PNPT1: variants seen among roughly 807,000 people sequenced by gnomAD.
PNPT1 encodes polyribonucleotide nucleotidyltransferase 1, also known as polyribonucleotide nucleotidyltransferase 1, mitochondrial.
PNPT1 carries 53 observed loss-of-function variants against 119.5 expected under a neutral mutation model. The observed-to-expected ratio is 0.44, with a 90% CI of 0.36 to 0.56. PNPT1 has a LOEUF of 0.56. Among genes scored for constraint, PNPT1 ranks in the 20% least tolerant of loss-of-function variants. The pLI, the probability that PNPT1 is intolerant of heterozygous loss-of-function variation, is 0.00. For synonymous variants in PNPT1, 357 were observed against 322.1 expected (o/e 1.11, Z -1.16); for missense variants, 948 against 938.5 (o/e 1.01, Z -0.13).
intron 1 of PNPT1, among the ~76,000 whole-genome samples, chr2:55,691,878 A>ATATATTT (rs1326804958): frequency 1.8e-4 from 6 of 33,128 alleles, no homozygotes; most frequent in Admixed American, 9.8e-4. Context: ...ATATATATAT[A>ATATATTT]TTTTTTTTTT....
intron 18 of PNPT1, among the ~76,000 whole-genome samples, chr2:55,649,745 G>A (rs1696112849): frequency 6.6e-6 from 1 of 152,028 alleles, no homozygotes; most frequent in Non-Finnish European, 1.5e-5. Flanking sequence ...CATATTCTGT[G>A]GTCAAATAAA....
At chr2:55,659,876 A>T (rs939976869) in intron 15 of PNPT1, among the ~76,000 whole-genome samples, 1 of 152,194 alleles carries the variant, frequency 6.6e-6, no homozygotes, top group Non-Finnish European at 1.5e-5. Context: ...ACTTTACTGT[A>T]TCCTGGAAGT....
chr2:55,685,834 G>A (rs1402937841), intron 3 of PNPT1, among the ~76,000 whole-genome samples: 4 of 152,054 alleles, frequency 2.6e-5, no homozygotes, highest in Admixed American at 6.5e-5. Context: ...TATAACTTAC[G>A]TATATCCTCT....
chr2:55,692,012 G>A (rs1033521590), intron 1 of PNPT1, among the ~76,000 whole-genome samples: 5 of 149,488 alleles, frequency 3.3e-5, no homozygotes, highest in South Asian at 2.1e-4. Flanking sequence ...CAGCCTCCCA[G>A]GTAAATGGAA....
rs778100619 is a variant in PNPT1 at position 55,672,999 on chromosome 2, G to A, written c.760C>T (p.Gln254Ter). The change falls in exon 9 of 28, where the codon CAA becomes TAA. Residue 254 changes from glutamine to a stop codon, truncating the protein, a stop_gained. Transcript: ENST00000447944. LOFTEE classifies it high-confidence loss of function. ...AACTGCTGAATGCCCTGAATTATTT[G>A]TTGGGTATATTTCACTCCCACTTTG... is the stretch of plus-strand genomic sequence containing the variant. Reference protein sequence around the residue: ...AIKVGVKYTQQIIQGIQQLVK... With the variant: ...AIKVGVKYTQ 1.2e-6 allele frequency: 2 copies of A among 1,613,014 alleles called. No homozygotes were observed. Among genetic ancestry groups the A allele is most frequent in the African/African-American group, 2.7e-5 (2 of 74,846 alleles).
chr2:55,688,640 G>A (rs1420187985), intron 1 of PNPT1, among the ~76,000 whole-genome samples: 1 of 152,060 alleles, frequency 6.6e-6, no homozygotes, highest in Non-Finnish European at 1.5e-5. Flanking sequence ...CAAGAGAACT[G>A]CTTGAACCCA....
At chr2:55,643,292 T>G (rs1446212574) in intron 24 of PNPT1, 27 bp downstream of exon 24, 1 of 1,611,512 alleles carries the variant, frequency 6.2e-7, no homozygotes, top group Non-Finnish European at 8.5e-7. Flanking sequence ...AGCTATATGA[T>G]ACGTAATTAA....
In PNPT1 at chr2:55,635,358, G is replaced by A. The variant is rs1268704442; in HGVS notation, c.*879C>T. On this transcript the variant is annotated 3_prime_UTR_variant, in exon 28 of 28. Coordinates refer to ENST00000447944, the MANE Select transcript of PNPT1 (RefSeq NM_033109.5). ...AGACGGAGTTTTGCTCTTGTTGCCT[G>A]AGCTGGAGTGCAATGGCGCAATCTC... 1 of 148,710 alleles carries A rather than the reference G, an allele frequency of 6.7e-6. No individual in the cohort carries two copies. Among genetic ancestry groups the A allele is most frequent in the Non-Finnish European group, 1.5e-5 (1 of 67,614 alleles). 9.2% of individuals were successfully genotyped at this position (148,710 alleles called of 1,614,324 possible).
At chr2:55,687,038 C>T (rs1697428513) in intron 2 of PNPT1, among the ~76,000 whole-genome samples, 1 of 151,982 alleles carries the variant, frequency 6.6e-6, no homozygotes, top group Admixed American at 6.6e-5. Context: ...CACGGTGAAA[C>T]CTCGACTCTA....
At chr2:55,690,231 G>C (rs1039623185) in intron 1 of PNPT1, among the ~76,000 whole-genome samples, 1 of 152,100 alleles carries the variant, frequency 6.6e-6, no homozygotes, top group Non-Finnish European at 1.5e-5. Context: ...AGTTTCAGCA[G>C]AGAATGCAAA....
At chr2:55,688,917 T>C (rs1255195110) in intron 1 of PNPT1, among the ~76,000 whole-genome samples, 2 of 152,096 alleles carry the variant, frequency 1.3e-5, no homozygotes, top group Non-Finnish European at 2.9e-5. Context: ...AGTGGACAAC[T>C]GGATGCAAAA....
Position 55,680,768 on chromosome 2 carries a change from A to G in PNPT1, c.518-9T>C, listed in dbSNP as rs1046381632. The G allele has an allele frequency of 6.2e-7, 1 of 1,613,620 alleles. No individual in the cohort carries two copies. The highest frequency in any genetic ancestry group is 8.5e-7 in the Non-Finnish European group (1 of 1,179,848). On this transcript the variant is annotated splice_polypyrimidine_tract_variant and intron_variant, in intron 6 of 27. Transcript: ENST00000447944. ...TGAGAGGGCTACGGAAGCTTAAAAA[A>G]GGAGAAAAATCAGGGCCGAAATTAA...
At position 55,683,780 on chromosome 2, in the gene PNPT1, T is replaced by G. The variant is rs753661560; in HGVS notation, c.453+5A>C. On this transcript the variant is annotated splice_donor_5th_base_variant and intron_variant, in intron 5 of 27. Coordinates refer to ENST00000447944, the MANE Select transcript of PNPT1 (RefSeq NM_033109.5). The stretch of plus-strand genomic sequence containing the variant: ...GGCAACTAAAAAACCTAAAGCAGAA[T>G]CTACCTGTGTATCATAGAAGTAGCC... 1 of 1,610,526 alleles carries G rather than the reference T, an allele frequency of 6.2e-7. No homozygotes were observed. Among genetic ancestry groups the G allele is most frequent in the Non-Finnish European group, 8.5e-7 (1 of 1,177,738 alleles).
At chr2:55,666,237 C>T (rs901406864) in intron 13 of PNPT1, among the ~76,000 whole-genome samples, 5 of 152,138 alleles carry the variant, frequency 3.3e-5, no homozygotes, top group African/African-American at 1.2e-4. Flanking sequence ...TTGGAGGTAA[C>T]TGATATGTTC....
intron 18 of PNPT1, among the ~76,000 whole-genome samples, chr2:55,650,632 G>A (rs1696147488): frequency 6.6e-6 from 1 of 151,784 alleles, no homozygotes; most frequent in African/African-American, 2.4e-5. Context: ...GAGCGTCTCT[G>A]CCCGGCCGCC....
Position 55,636,366 on chromosome 2 carries a change from G to A in PNPT1, c.2223C>T (p.Ala741=), listed in dbSNP as rs779141193. ...IQVKYFGRDP[A]DGRMRLSRKV... ...TTCGAGAAAGCCTCATTCTTCCATC[G>A]GCTGGGTCACGTCCAAAGTATTTCA... The change falls in exon 28 of 28, where the codon GCC becomes GCT. Residue 741 remains alanine, a synonymous_variant. Coordinates refer to ENST00000447944, the MANE Select transcript of PNPT1 (RefSeq NM_033109.5). 1.2e-5 allele frequency: 20 copies of A among 1,613,856 alleles called. No homozygotes were observed. In the Admixed American group the frequency reaches 1.7e-4, roughly 13 times the overall value.
At chr2:55,675,102 A>AT (rs1166109270) in intron 8 of PNPT1, among the ~76,000 whole-genome samples, 6 of 151,796 alleles carry the variant, frequency 4.0e-5, no homozygotes, top group Non-Finnish European at 7.4e-5. Flanking sequence ...CCCTAAAAAG[A>AT]TAACAACTAG....
chr2:55,655,817 T>C (rs920420016), intron 17 of PNPT1, among the ~76,000 whole-genome samples: 1 of 152,254 alleles, frequency 6.6e-6, no homozygotes, highest in Non-Finnish European at 1.5e-5. Flanking sequence ...TCCTGCCTAA[T>C]GATCACTCTA....
chr2:55,654,447 T>C (rs765289986), intron 18 of PNPT1, among the ~76,000 whole-genome samples: 5 of 152,204 alleles, frequency 3.3e-5, no homozygotes, highest in Non-Finnish European at 5.9e-5. Context: ...TTCCTAATAG[T>C]ACTTACTAAT....
Sources: allele counts gnomAD v4.1 joint callset (sites outside exome capture counted in the v4.1 genomes callset), GRCh38; gene constraint gnomAD v4.1.1; transcripts MANE v1.5; gene names NCBI Gene and HGNC (gene_info 2026-07-23, HGNC 2026-07-21).